The following ZNF536 variants were observed in gnomAD, a reference collection of about 807,000 sequenced individuals.
ZNF536 encodes the protein zinc finger protein 536.
Under a neutral mutation model 84.5 loss-of-function variants are expected in ZNF536, and 13 were observed. The observed-to-expected ratio is 0.15, with a 90% CI of 0.10 to 0.24. The LOEUF is 0.24. Ranked by LOEUF, ZNF536 falls within the 10% of genes least tolerant of loss-of-function variation. The pLI is 1.00. For missense variants in ZNF536, 1,536 were observed against 1,747.5 expected (o/e 0.88, Z 2.16); for synonymous variants, 811 against 742.5 (o/e 1.09, Z -1.50).
intron 2 of ZNF536, among the ~76,000 whole-genome samples, chr19:30,319,299 C>A (rs534689507): frequency 4.9e-4 from 75 of 152,278 alleles, no homozygotes; most frequent in African/African-American, 1.7e-3. Flanking sequence ...TTATTATTTG[C>A]TACCAATGTG....
intron 1 of ZNF536, among the ~76,000 whole-genome samples, chr19:30,376,292 C>A (rs1028846891): frequency 6.6e-6 from 1 of 152,146 alleles, no homozygotes; most frequent in Non-Finnish European, 1.5e-5. Context: ...TCTTGACCTC[C>A]ATCTGTGTCT....
chr19:30,450,167 C>A (rs1212591128), intron 2 of ZNF536, among the ~76,000 whole-genome samples: 1 of 147,860 alleles, frequency 6.8e-6, no homozygotes, highest in Admixed American at 6.9e-5. Context: ...CTGATGAACA[C>A]AATTTTCCAG....
At chr19:30,609,464 A>G (rs2048012310) in intron 1 of ZNF536, among the ~76,000 whole-genome samples, 1 of 152,214 alleles carries the variant, frequency 6.6e-6, no homozygotes, top group African/African-American at 2.4e-5. Context: ...TGGCCTTAAC[A>G]TCTTTGAAGT....
At chr19:30,593,379 T>G (rs1028139973) in intron 1 of ZNF536, among the ~76,000 whole-genome samples, 50 of 152,260 alleles carry the variant, frequency 3.3e-4, no homozygotes, top group African/African-American at 1.2e-3. Flanking sequence ...AATTGCCCGA[T>G]TTTTCAGAGA....
At chr19:30,693,791 C>T (rs927549483) in intron 1 of ZNF536, among the ~76,000 whole-genome samples, 2 of 152,022 alleles carry the variant, frequency 1.3e-5, no homozygotes, top group East Asian at 3.9e-4. Context: ...TAAATATATC[C>T]AGTGTGCCCA....
At chr19:30,500,272 A>G (rs1420074132) in intron 2 of ZNF536, among the ~76,000 whole-genome samples, 2 of 151,768 alleles carry the variant, frequency 1.3e-5, no homozygotes, top group Admixed American at 6.6e-5. Flanking sequence ...TGGTTCTAGA[A>G]TCTCAGCAGG....
chr19:30,525,949 G>A, intron 2 of ZNF536, among the ~76,000 whole-genome samples: 1 of 152,198 alleles, frequency 6.6e-6, no homozygotes, highest in South Asian at 2.1e-4. Flanking sequence ...GAAATGAGTA[G>A]CTGGTCCCTG....
At chr19:30,622,763 G>A (rs2048529127) in intron 1 of ZNF536, among the ~76,000 whole-genome samples, 1 of 152,096 alleles carries the variant, frequency 6.6e-6, no homozygotes, top group Admixed American at 6.5e-5. Flanking sequence ...TGTTTGGGGT[G>A]GTGCTTTGGG....
chr19:30,698,605 G>A (rs576919097), intron 1 of ZNF536, among the ~76,000 whole-genome samples: 10 of 152,060 alleles, frequency 6.6e-5, no homozygotes, highest in South Asian at 2.1e-4. Context: ...TTTGCAGAAC[G>A]TCCCTCAGTT....
chr19:30,615,181 G>A (rs1171570507), intron 1 of ZNF536, among the ~76,000 whole-genome samples: 2 of 149,420 alleles, frequency 1.3e-5, no homozygotes, highest in African/African-American at 2.5e-5. Context: ...TCCTGACCTC[G>A]TGATCCGCCC....
intron 1 of ZNF536, among the ~76,000 whole-genome samples, chr19:30,383,004 A>C (rs1288198400): frequency 3.3e-5 from 5 of 152,158 alleles, no homozygotes; most frequent in Admixed American, 3.3e-4. Context: ...AAAAACAACA[A>C]ACGTGGCAGG....
chr19:30,700,836 G>T (rs184949793), intron 1 of ZNF536, among the ~76,000 whole-genome samples: 1 of 152,312 alleles, frequency 6.6e-6, no homozygotes, highest in East Asian at 1.9e-4. Flanking sequence ...TTACCTAGCT[G>T]CAGGCATTGC....
chr19:30,709,170 T>C (rs536424566), intron 1 of ZNF536, among the ~76,000 whole-genome samples: 4 of 152,182 alleles, frequency 2.6e-5, no homozygotes, highest in Non-Finnish European at 5.9e-5. Context: ...GCTTGGAGGA[T>C]TAGGTGAACG....
At position 30,357,226 on chromosome 19, in the gene ZNF536, C is replaced by T. The variant is rs186806618; in HGVS notation, c.-3+4742C>T. 2.0e-3 allele frequency among the ~76,000 whole-genome samples: 298 copies of T among 152,270 alleles called. 1 individual carries two copies. Among genetic ancestry groups the T allele is most frequent in the African/African-American group, 7.0e-3 (290 of 41,548 alleles). On this transcript the variant is annotated intron_variant, in intron 3 of 5. Coordinates refer to the ZNF536 transcript ENST00000585628. The stretch of plus-strand genomic sequence containing the variant: ...AGGGGAGGCCCCCCTAAGGAAGGGA[C>T]GCTGGTAGCTAGAGGTCTGGAGGAC...
chr19:30,547,273 A>T (rs2146155583), intron 3 of ZNF536, among the ~76,000 whole-genome samples: 1 of 152,334 alleles, frequency 6.6e-6, no homozygotes, highest in African/African-American at 2.4e-5. Context: ...TACATGCTGC[A>T]ATCATAATGC....
intron 1 of ZNF536, among the ~76,000 whole-genome samples, chr19:30,658,901 C>A (rs1487169908): frequency 6.6e-6 from 1 of 152,204 alleles, no homozygotes; most frequent in Non-Finnish European, 1.5e-5. Context: ...AACTTGCTAA[C>A]ATTTGGCCTA....
rs34995610 is a variant in ZNF536, at chr19:30,569,559, C to CTTTTTTTTTTTTTTTTTT, written c.169+20058_169+20075dup. 2.4e-4 allele frequency among the ~76,000 whole-genome samples: 13 copies of CTTTTTTTTTTTTTTTTTT among 55,094 alleles called. 2 individuals are homozygous for CTTTTTTTTTTTTTTTTTT. Among genetic ancestry groups the CTTTTTTTTTTTTTTTTTT allele is most frequent in the East Asian group, 1.8e-3 (2 of 1,106 alleles). 36.1% of individuals were successfully genotyped at this position (55,094 alleles called of 152,430 possible). A position where few individuals can be genotyped will look rare whatever the true frequency, so the allele number is the denominator to read the frequency against. ...ATGGAATCGAAGCCAGATAAACGTT[C>CTTTTTTTTTTTTTTTTTT]TTTTTTTTTTTTTTTTTTTTTTTTT... On this transcript the variant is annotated intron_variant, in intron 1 of 1. Coordinates refer to the ZNF536 transcript ENST00000592773.
intron 1 of ZNF536, among the ~76,000 whole-genome samples, chr19:30,387,967 T>C (rs1229536363): frequency 6.6e-6 from 1 of 152,188 alleles, no homozygotes; most frequent in Non-Finnish European, 1.5e-5. Flanking sequence ...GCTGGGTGTC[T>C]GTGTAGATAG....
At position 30,659,558 on chromosome 19, in the gene ZNF536, A is replaced by G. The variant is rs546010654; in HGVS notation, c.170-51199A>G. Among the ~76,000 whole-genome samples the G allele has an allele frequency of 3.9e-5, 6 of 152,336 alleles. No homozygotes were observed. In the East Asian group the frequency reaches 5.8e-4, roughly 15 times the overall value. Reference sequence around the variant, plus strand: ...AGGTTTAAAGGACTCACAGTTCCACATGGCTGGGGAGGCCTCACAAACATG... The same window carrying G: ...AGGTTTAAAGGACTCACAGTTCCACGTGGCTGGGGAGGCCTCACAAACATG... On this transcript the variant is annotated intron_variant, in intron 1 of 1. Transcript: ENST00000592773.
Sources: gnomAD v4.1 joint callset for allele counts (sites outside exome capture counted in the v4.1 genomes callset) on GRCh38, gnomAD v4.1.1 for gene constraint, MANE v1.5 for transcripts, NCBI Gene and HGNC (gene_info 2026-07-23, HGNC 2026-07-21) for gene names.